Variants in TUBGCP3 observed in about 807,000 individuals in gnomAD.
TUBGCP3 encodes gamma-tubulin complex component 3.
Under a neutral mutation model 123.1 loss-of-function variants are expected in TUBGCP3, and 50 were observed. The ratio of observed to expected loss-of-function variants is 0.41; its 90% CI spans 0.32 to 0.51. The LOEUF (loss-of-function observed/expected upper bound fraction) is 0.51. Ranked by LOEUF, TUBGCP3 falls within the 20% of genes least tolerant of loss-of-function variation. The pLI is 0.36. For synonymous variants in TUBGCP3, 405 were observed against 413.9 expected (o/e 0.98, Z 0.26); for missense variants, 882 against 1,127.0 (o/e 0.78, Z 3.11).
At chr13:112,598,209 A>G in the TUBGCP3 span, among the ~76,000 whole-genome samples, 1 of 152,108 alleles carries the variant, frequency 6.6e-6, no homozygotes, top group East Asian at 1.9e-4. Context: ...CAGCCTAAAT[A>G]TATTTTACAA....
intron 13 of TUBGCP3, among the ~76,000 whole-genome samples, chr13:112,526,612 CCAT>C (rs745375161): frequency 1.5e-4 from 23 of 149,548 alleles, no homozygotes; most frequent in South Asian, 4.3e-4. Flanking sequence ...ATCATCATCA[CCAT>C]CATCACTACC....
At position 112,527,143 on chromosome 13, in the gene TUBGCP3, A is replaced by C. The variant is rs1442653206; in HGVS notation, c.1447-93T>G. Reference sequence around the variant, plus strand: ...TTCGTAAGCTACAAATTGGCTATTGATTGAAAACTAACAAGAGCATCTGCT... The same window carrying C: ...TTCGTAAGCTACAAATTGGCTATTGCTTGAAAACTAACAAGAGCATCTGCT... On this transcript the variant is annotated intron_variant, in intron 12 of 21. Transcript: ENST00000261965. The C allele has an allele frequency of 6.2e-6, 7 of 1,122,272 alleles. No homozygotes were observed. The Admixed American group carries it at 1.4e-4, about 23-fold the overall frequency. 69.5% of individuals were successfully genotyped at this position (1,122,272 alleles called of 1,614,324 possible).
chr13:112,588,977 T>TTC (rs1403290582), upstream of TUBGCP3, among the ~76,000 whole-genome samples: 2 of 152,324 alleles, frequency 1.3e-5, no homozygotes, highest in East Asian at 3.9e-4. Flanking sequence ...TTTGTTGTCG[T>TTC]TCTGACTCAA....
chr13:112,510,919 C>T (rs1881635566), intron 17 of TUBGCP3, among the ~76,000 whole-genome samples: 1 of 152,100 alleles, frequency 6.6e-6, no homozygotes, highest in Non-Finnish European at 1.5e-5. Context: ...CTTAGTGAAA[C>T]ATATGAATGA....
Position 112,587,928 on chromosome 13 carries a change from C to T in TUBGCP3, c.53G>A (p.Cys18Tyr). The T allele has an allele frequency of 6.3e-7, 1 of 1,594,610 alleles. No individual in the cohort carries two copies. Residue 18 changes from cysteine to tyrosine, a missense_variant, in exon 1 of 22, where the codon TGC (cysteine) becomes TAC (tyrosine). By Grantham distance (194) the Cys-to-Tyr change is radical (BLOSUM62 -2). Around this residue, in one of 3 missense-constraint regions of TUBGCP3, gnomAD observed 713 missense variants for 874.0 expected, o/e 0.82. Coordinates refer to ENST00000261965, the MANE Select transcript of TUBGCP3 (RefSeq NM_006322.6). ...ACCTTCGCTCCTGCCCAGGATCCTG[C>T]AGCACAGGTTCTGCAGCAGAACGTT... ...SPNVLLQNLCCRILGRSEADV... is the reference protein window; with the variant it reads ...SPNVLLQNLCYRILGRSEADV...
In TUBGCP3 at chr13:112,554,959, G is replaced by A. The variant is rs1449549872; in HGVS notation, c.768C>T (p.Tyr256=). Residue 256 remains tyrosine (Y), a synonymous_variant, in exon 7 of 22, where the codon TAC becomes TAT. Coordinates refer to ENST00000261965, the MANE Select transcript of TUBGCP3 (RefSeq NM_006322.6). ...TEAALVRDIL[Y]VFQGIDGKNI... ...TTTTGCCATCTATGCCCTGAAAGAC[G>A]TACAAAATGTCCCTTACCAGAGCTG... The A allele has an allele frequency of 1.9e-6, 3 of 1,612,318 alleles. No individual in the cohort carries two copies. The highest frequency in any genetic ancestry group is 1.7e-5 in the Admixed American group (1 of 59,578).
chr13:112,507,724 G>A (rs777914741), intron 17 of TUBGCP3, among the ~76,000 whole-genome samples: 5 of 152,148 alleles, frequency 3.3e-5, no homozygotes, highest in Non-Finnish European at 5.9e-5. Context: ...GTAACATGCC[G>A]ATTTTTCATG....
chr13:112,556,361 C>T, intron 5 of TUBGCP3, 137 bp from the exon 6 acceptor site: 5 of 854,668 alleles, frequency 5.9e-6, no homozygotes, highest in Non-Finnish European at 8.8e-6. Context: ...CATGACTTTA[C>T]CCTAACCGAA....
the TUBGCP3 span, chr13:112,604,156 C>G: frequency 1.3e-5 from 2 of 152,324 alleles, no homozygotes; most frequent in East Asian, 3.9e-4. Flanking sequence ...ACCTACCAGT[C>G]TCTTATTAGG....
intron 13 of TUBGCP3, among the ~76,000 whole-genome samples, chr13:112,526,594 T>C (rs1251087780): frequency 4.7e-5 from 6 of 126,850 alleles, no homozygotes; most frequent in African/African-American, 1.3e-4. Context: ...CACCACATCA[T>C]CACCATCATC....
At chr13:112,579,424 G>A (rs916062947) in intron 1 of TUBGCP3, among the ~76,000 whole-genome samples, 1 of 151,010 alleles carries the variant, frequency 6.6e-6, no homozygotes, top group Admixed American at 6.6e-5. Context: ...AGTGCCAGCG[G>A]GGCCACGGCA....
Position 112,524,506 on chromosome 13 carries a change from G to A in TUBGCP3, c.1556-1997C>T, listed in dbSNP as rs998019681. On this transcript the variant is annotated intron_variant, in intron 13 of 21. Transcript: ENST00000261965. The surrounding 1 kb of genome is among the most constrained non-coding windows in gnomAD (Gnocchi z 4.4). ...TAGGAACTATGAAAGGTCACAACTC[G>A]AACACAACTGCTCTCCTGGTTCTTC... Among the ~76,000 whole-genome samples the A allele has an allele frequency of 9.2e-5, 14 of 152,304 alleles. No individual in the cohort carries two copies. In the East Asian group the frequency reaches 1.5e-3, roughly 17 times the overall value.
At chr13:112,539,145 G>A (rs536292357) in intron 11 of TUBGCP3, among the ~76,000 whole-genome samples, 2 of 152,264 alleles carry the variant, frequency 1.3e-5, no homozygotes, top group South Asian at 2.1e-4. Context: ...CAGCAGATAC[G>A]CTATACACTT....
At chr13:112,539,892 A>T (rs1367353946) in intron 11 of TUBGCP3, among the ~76,000 whole-genome samples, 2 of 142,208 alleles carry the variant, frequency 1.4e-5, no homozygotes, top group Non-Finnish European at 3.0e-5. Context: ...GGGAGTGATG[A>T]CGTCAATGTA....
chr13:112,589,763 T>C (rs1255283307), upstream of TUBGCP3, among the ~76,000 whole-genome samples: 4 of 152,202 alleles, frequency 2.6e-5, no homozygotes, highest in Non-Finnish European at 2.9e-5. Flanking sequence ...ATAAGCCAGT[T>C]AGCAGGTAGT....
chr13:112,558,054 A>G, intron 5 of TUBGCP3, 142 bp downstream of exon 5: 2 of 866,148 alleles, frequency 2.3e-6, no homozygotes, highest in Non-Finnish European at 3.4e-6. Context: ...GATGGAGTGC[A>G]TCGGACACAG....
Position 112,574,993 on chromosome 13 carries a change from A to C in TUBGCP3, c.77-5734T>G, listed in dbSNP as rs181577508. Among the ~76,000 whole-genome samples the C allele has an allele frequency of 1.5e-4, 23 of 152,322 alleles. No individual in the cohort carries two copies. In the East Asian group the frequency reaches 3.5e-3, roughly 23 times the overall value. ...TCTCCCAGCCCTGCGCCAGGCTACC[A>C]GCCCCTTCTACCTTCAGGGGCACCC... On this transcript the variant is annotated intron_variant, in intron 1 of 21. Transcript: ENST00000261965.
At chr13:112,603,615 A>G in the TUBGCP3 span, 1 of 152,262 alleles carries the variant, frequency 6.6e-6, no homozygotes, top group Non-Finnish European at 1.5e-5. Context: ...AGTCCCAGTT[A>G]CTTGCGAGGC....
At chr13:112,505,430 G>A (rs1594116996) in intron 17 of TUBGCP3, among the ~76,000 whole-genome samples, 3 of 152,304 alleles carry the variant, frequency 2.0e-5, no homozygotes, top group Non-Finnish European at 1.5e-5. Context: ...TGCTTCAAAC[G>A]CCCTCAATGA....
Sources: allele counts gnomAD v4.1 joint callset (sites outside exome capture counted in the v4.1 genomes callset), GRCh38; gene constraint gnomAD v4.1.1; regional missense constraint gnomAD v4.1.1; non-coding constraint Gnocchi (gnomAD v3.1); transcripts MANE v1.5; gene names NCBI Gene and HGNC (gene_info 2026-07-23, HGNC 2026-07-21).